UBE4A: variants seen among roughly 807,000 people sequenced by gnomAD.
UBE4A encodes ubiquitination factor E4A.
Under a neutral mutation model 117.9 loss-of-function variants are expected in UBE4A, and 48 were observed. The ratio of observed to expected loss-of-function variants is 0.41; its 90% CI spans 0.32 to 0.52. The LOEUF is 0.52. Ranked by LOEUF, UBE4A falls within the 20% of genes least tolerant of loss-of-function variation. UBE4A has a pLI of 0.33. For missense variants in UBE4A, 1,067 were observed against 1,296.3 expected, an observed-to-expected ratio of 0.82 and a Z score of 2.72; for synonymous variants, 407 against 450.0, an observed-to-expected ratio of 0.90 and a Z score of 1.21.
rs566448996 is a variant in UBE4A, at chr11:118,370,508, C to G, written c.408+973C>G. Among the ~76,000 whole-genome samples the G allele has an allele frequency of 2.6e-5, 4 of 152,064 alleles. No individual in the cohort carries two copies. The South Asian group carries it at 8.3e-4, about 32-fold the overall frequency. On this transcript the variant is annotated intron_variant, in intron 4 of 19. Coordinates refer to ENST00000252108, the MANE Select transcript of UBE4A (RefSeq NM_001204077.2). ...TGATGGCATGTACCTGAAGTCCTAG[C>G]TACTCAGGAGGCTGAGGTGGGAGGA... is the stretch of plus-strand genomic sequence containing the variant.
intron 19 of UBE4A, among the ~76,000 whole-genome samples, chr11:118,396,073 C>T (rs1442079371): frequency 6.9e-6 from 1 of 144,892 alleles, no homozygotes; most frequent in East Asian, 2.0e-4. Flanking sequence ...CCAGCCTGGG[C>T]GACAGGGCAA....
rs761759681 is a variant in UBE4A at position 118,368,693 on chromosome 11, G to A, written c.184G>A (p.Asp62Asn). 7 of 1,614,044 alleles carry A rather than the reference G, an allele frequency of 4.3e-6. No homozygotes were observed. Among genetic ancestry groups the A allele is most frequent in the African/African-American group, 2.7e-5 (2 of 74,916 alleles). The change falls in exon 3 of 20, where the codon GAT becomes AAT. Residue 62 changes from aspartate to asparagine, a missense_variant. Around this residue, in one of 3 missense-constraint regions of UBE4A, gnomAD observed 1,001 missense variants for 1,184.0 expected, o/e 0.85. Transcript: ENST00000252108. ...CGTGTCAGAGAGCCTGGATGAATTC[G>A]ATTACTCTGTGGCTGAGATTAGCCG... ...NSVSESLDEFDYSVAEISRSF... is the reference protein window; with the variant it reads ...NSVSESLDEFNYSVAEISRSF...
intron 16 of UBE4A, among the ~76,000 whole-genome samples, chr11:118,388,180 G>A (rs564596508): frequency 1.6e-4 from 24 of 152,228 alleles, no homozygotes; most frequent in African/African-American, 5.8e-4. Flanking sequence ...GCAAAAATTT[G>A]ACTATATATT....
intron 19 of UBE4A, among the ~76,000 whole-genome samples, chr11:118,394,608 TA>T (rs1555129222): frequency 6.6e-6 from 1 of 151,956 alleles, no homozygotes. Flanking sequence ...CCGTCTCTAC[TA>T]AAAATACAAA....
chr11:118,377,483 C>T (rs1555125557), intron 10 of UBE4A, among the ~76,000 whole-genome samples: 3 of 151,850 alleles, frequency 2.0e-5, no homozygotes, highest in Admixed American at 1.3e-4. Flanking sequence ...GCTGGGATTA[C>T]AGGCATGAGC....
chr11:118,364,071 C>T (rs1948543884), intron 1 of UBE4A, among the ~76,000 whole-genome samples: 1 of 152,090 alleles, frequency 6.6e-6, no homozygotes, highest in Non-Finnish European at 1.5e-5. Flanking sequence ...ATGAACAAAA[C>T]ATTCATACCC....
chr11:118,373,176 C>T lies in UBE4A; in HGVS notation c.812C>T (p.Pro271Leu), dbSNP rs1403811733. 6.2e-7 allele frequency: 1 copy of T among 1,613,744 alleles called. No individual in the cohort carries two copies. Among genetic ancestry groups the T allele is most frequent in the Non-Finnish European group, 8.5e-7 (1 of 1,179,998 alleles). The change falls in exon 7 of 20, where the codon CCA becomes CTA. Residue 271 changes from proline (P) to leucine (L), a missense_variant. Around this residue, in one of 3 missense-constraint regions of UBE4A, gnomAD observed 1,001 missense variants for 1,184.0 expected, o/e 0.85. Coordinates refer to ENST00000252108, the MANE Select transcript of UBE4A (RefSeq NM_001204077.2). ...AGAACATTTCCAGAAGTCATGATTC[C>T]AGTGTTTGATATTTTATTGGGCCGA... ...EVRTFPEVMIPVFDILLGRIK... is the reference protein window; with the variant it reads ...EVRTFPEVMILVFDILLGRIK...
chr11:118,362,609 A>G (rs1948529025), intron 1 of UBE4A, among the ~76,000 whole-genome samples: 1 of 152,238 alleles, frequency 6.6e-6, no homozygotes, highest in South Asian at 2.1e-4. Flanking sequence ...TTATAACTGA[A>G]AAGTCCAGAC....
At chr11:118,371,472 A>T (rs1948609623) in intron 4 of UBE4A, 42 bp from the exon 5 acceptor site, 16 of 1,570,808 alleles carry the variant, frequency 1.0e-5, no homozygotes, top group Non-Finnish European at 1.4e-5. Flanking sequence ...TCTCAGATTA[A>T]TTTTGCAATA....
intron 5 of UBE4A, among the ~76,000 whole-genome samples, 157 bp from the exon 6 acceptor site, chr11:118,372,350 G>A (rs1341754145): frequency 6.6e-6 from 1 of 152,164 alleles, no homozygotes; most frequent in African/African-American, 2.4e-5. Flanking sequence ...TTTTAAATAG[G>A]CAGATAGATG....
Position 118,373,600 on chromosome 11 carries a change from G to T in UBE4A, c.1031G>T (p.Gly344Val), listed in dbSNP as rs1161524750. The change falls in exon 8 of 20, where the codon GGT becomes GTT. Residue 344 changes from glycine to valine, a missense_variant. Gly to Val is a moderately radical substitution (Grantham distance 109). Transcript: ENST00000252108. Reference protein sequence around the residue: ...LSISCLLKTPGVVENHGYFLN... With the variant: ...LSISCLLKTPVVVENHGYFLN... Reference sequence around the variant, plus strand: ...ATCTCCTGCTTATTAAAGACTCCGGGTGTTGTAGAAAATCATGGCTACTTT... The same window carrying T: ...ATCTCCTGCTTATTAAAGACTCCGGTTGTTGTAGAAAATCATGGCTACTTT... 6.2e-7 allele frequency: 1 copy of T among 1,614,024 alleles called. No individual in the cohort carries two copies. Among genetic ancestry groups the T allele is most frequent in the East Asian group, 2.2e-5 (1 of 44,896 alleles).
chr11:118,382,693 G>A lies in UBE4A; in HGVS notation c.2114G>A (p.Arg705Gln), dbSNP rs150691820. 25 of 1,605,508 alleles carry A rather than the reference G, an allele frequency of 1.6e-5. No individual in the cohort carries two copies. Among genetic ancestry groups the A allele is most frequent in the Admixed American group, 3.4e-5 (2 of 59,074 alleles). The change falls in exon 13 of 20, where the codon CGG (arginine) becomes CAG (glutamine). Residue 705 changes from arginine to glutamine, a missense_variant. This residue lies in a region of UBE4A where 1,001 missense variants were observed against 1,184.0 expected (regional missense o/e 0.85). Coordinates refer to ENST00000252108, the MANE Select transcript of UBE4A (RefSeq NM_001204077.2). ...CCCTTGGTATCCAGTGTGTTCCACC[G>A]GAAACGTGTGTTCTGCAACTTTCAG... ...PNPLVSSVFH[R>Q]KRVFCNFQYA...
chr11:118,391,560 C>T (rs1478112309), intron 18 of UBE4A, among the ~76,000 whole-genome samples: 3 of 150,434 alleles, frequency 2.0e-5, no homozygotes, highest in Admixed American at 6.6e-5. Context: ...TTTGGGAGGT[C>T]GAGGCGGGCA....
In UBE4A at chr11:118,374,978, T is replaced by C; in HGVS notation, c.1199T>C (p.Leu400Ser). ...TCTCCAGAAACCAAACACTGTATCT[T>C]GTCCTGGCTTGGAAACTGTTTGCAT... ...QLSPETKHCI[L>S]SWLGNCLHAN... is the part of the protein sequence containing the mutation. The change falls in exon 9 of 20, where the codon TTG becomes TCG. Residue 400 changes from leucine to serine, a missense_variant. By Grantham distance (145) the Leu-to-Ser change is moderately radical (BLOSUM62 -2). This residue lies in a region of UBE4A where 1,001 missense variants were observed against 1,184.0 expected (regional missense o/e 0.85). Coordinates refer to ENST00000252108, the MANE Select transcript of UBE4A (RefSeq NM_001204077.2). The C allele has an allele frequency of 6.2e-7, 1 of 1,607,062 alleles. No individual in the cohort carries two copies. Among genetic ancestry groups the C allele is most frequent in the Non-Finnish European group, 8.5e-7 (1 of 1,175,652 alleles).
intron 16 of UBE4A, 28 bp downstream of exon 16, chr11:118,386,640 C>CA: frequency 1.3e-6 from 2 of 1,494,522 alleles, no homozygotes; most frequent in Non-Finnish European, 8.9e-7. Context: ...TGCTTCCCCC[C>CA]AAAAAAGTAA....
intron 2 of UBE4A, 99 bp downstream of exon 2, chr11:118,365,300 T>C: frequency 2.8e-6 from 4 of 1,418,720 alleles, no homozygotes; most frequent in Non-Finnish European, 3.7e-6. Flanking sequence ...GGAATTTAAG[T>C]TTGGAACAAA....
At chr11:118,368,156 A>G (rs1948579843) in intron 2 of UBE4A, among the ~76,000 whole-genome samples, 1 of 152,238 alleles carries the variant, frequency 6.6e-6, no homozygotes, top group African/African-American at 2.4e-5. Flanking sequence ...AATGAATATT[A>G]GCACCAGAAA....
chr11:118,379,335 C>A, intron 10 of UBE4A, 111 bp from the exon 11 acceptor site: 1 of 1,245,302 alleles, frequency 8.0e-7, no homozygotes, highest in Non-Finnish European at 1.1e-6. Context: ...GTCATTGCAA[C>A]TGCAACTCCC....
rs35971336 is a variant in UBE4A, at chr11:118,394,950, G to A, written c.3075-1364G>A. ...GCACTGCACTCCTGCCTGGGCAGCA[G>A]AGCAAGACACCGTCTCTAAATAAAC... On this transcript the variant is annotated intron_variant, in intron 19 of 19. Coordinates refer to ENST00000252108, the MANE Select transcript of UBE4A (RefSeq NM_001204077.2). Among the ~76,000 whole-genome samples the A allele has an allele frequency of 2.0e-5, 3 of 152,246 alleles. No homozygotes were observed. The South Asian group carries it at 6.2e-4, about 32-fold the overall frequency.
Sources: allele counts gnomAD v4.1 joint callset (sites outside exome capture counted in the v4.1 genomes callset), GRCh38; gene constraint gnomAD v4.1.1; regional missense constraint gnomAD v4.1.1; transcripts MANE v1.5; gene names NCBI Gene and HGNC (gene_info 2026-07-23, HGNC 2026-07-21).